The following ARHGAP10 variants were observed in gnomAD, a reference collection of about 807,000 sequenced individuals.
ARHGAP10 encodes the protein rho GTPase-activating protein 10.
A neutral mutation model predicts 108.6 loss-of-function variants in ARHGAP10; 87 were observed. That is an observed-to-expected ratio of 0.80 (90% CI 0.67 to 0.96). The LOEUF (loss-of-function observed/expected upper bound fraction) is 0.96, where lower values mean the gene tolerates loss of function less well. Ranked by LOEUF, ARHGAP10 falls within the 40% of genes least tolerant of loss-of-function variation. The pLI is 0.00. For synonymous variants in ARHGAP10, 347 were observed against 341.1 expected (o/e 1.02, Z -0.19); for missense variants, 939 against 954.5 (o/e 0.98, Z 0.21).
In ARHGAP10 at chr4:148,001,423, C is replaced by T. The variant is rs964308013; in HGVS notation, c.1717-21840C>T. Reference sequence around the variant, plus strand: ...CCCTTTTTTGGTTCCATATGAACTTCAAAGTAGTTTTTTCCAATTCTGTGA... The same window carrying T: ...CCCTTTTTTGGTTCCATATGAACTTTAAAGTAGTTTTTTCCAATTCTGTGA... On this transcript the variant is annotated intron_variant, in intron 18 of 22. Coordinates refer to ENST00000336498, the MANE Select transcript of ARHGAP10 (RefSeq NM_024605.4). Among the ~76,000 whole-genome samples, 66 of 152,020 alleles carry T rather than the reference C, an allele frequency of 4.3e-4. 1 individual carries two copies. Among genetic ancestry groups the T allele is most frequent in the Non-Finnish European group, 3.5e-4 (24 of 67,998 alleles).
At chr4:147,829,927 G>A (rs1045740027) in intron 3 of ARHGAP10, among the ~76,000 whole-genome samples, 1 of 152,148 alleles carries the variant, frequency 6.6e-6, no homozygotes, top group Non-Finnish European at 1.5e-5. Context: ...GGAAAACTGC[G>A]GGGAAGCGGG....
chr4:148,040,403 G>A (rs1484902024), intron 19 of ARHGAP10, among the ~76,000 whole-genome samples: 2 of 152,126 alleles, frequency 1.3e-5, no homozygotes, highest in South Asian at 2.1e-4. Context: ...GTACAGTCAT[G>A]CGATCTCAGC....
At chr4:147,792,755 T>C (rs867986830) in intron 1 of ARHGAP10, among the ~76,000 whole-genome samples, 4 of 152,190 alleles carry the variant, frequency 2.6e-5, no homozygotes, top group Non-Finnish European at 5.9e-5. Context: ...TTATGGGGGA[T>C]TTTTTTCTTT....
intron 1 of ARHGAP10, among the ~76,000 whole-genome samples, chr4:147,755,737 T>A (rs925907659): frequency 3.3e-5 from 5 of 152,160 alleles, no homozygotes; most frequent in African/African-American, 9.7e-5. Context: ...TATTTTTCTA[T>A]TTGGCTCTTT....
At chr4:147,888,460 T>G (rs947496375) in intron 10 of ARHGAP10, among the ~76,000 whole-genome samples, 3 of 152,204 alleles carry the variant, frequency 2.0e-5, no homozygotes, top group Non-Finnish European at 4.4e-5. Flanking sequence ...TCTAACATGT[T>G]ATATAGGTAA....
In ARHGAP10 at chr4:147,908,933, A is replaced by G. The variant is rs545121097; in HGVS notation, c.1117-799A>G. ...GTTATTTATCTTTGCATCTGAGCAT[A>G]TGATAGTGTGTTATTAACTGAGAAA... On this transcript the variant is annotated intron_variant, in intron 11 of 22. Transcript: ENST00000336498. 2.6e-5 allele frequency among the ~76,000 whole-genome samples: 4 copies of G among 152,270 alleles called. No individual in the cohort carries two copies. In the South Asian group the frequency reaches 8.3e-4, roughly 32 times the overall value.
At chr4:147,758,825 A>G (rs759060394) in intron 1 of ARHGAP10, among the ~76,000 whole-genome samples, 1 of 151,954 alleles carries the variant, frequency 6.6e-6, no homozygotes, top group Admixed American at 6.6e-5. Context: ...CTAAAAATAC[A>G]AAAATTAGTT....
chr4:147,933,796 T>C (rs1375004471), intron 13 of ARHGAP10, among the ~76,000 whole-genome samples: 1 of 151,816 alleles, frequency 6.6e-6, no homozygotes, highest in Non-Finnish European at 1.5e-5. Context: ...TGGGCTGGAG[T>C]TGATATGAGG....
chr4:147,895,009 GAATT>G (rs1436102850), intron 10 of ARHGAP10, among the ~76,000 whole-genome samples: 1 of 151,922 alleles, frequency 6.6e-6, no homozygotes, highest in Non-Finnish European at 1.5e-5. Flanking sequence ...ATAAATTTTA[GAATT>G]AATTTATTTT....
intron 12 of ARHGAP10, 60 bp from the exon 13 acceptor site, chr4:147,913,014 A>G: frequency 6.8e-7 from 1 of 1,469,230 alleles, no homozygotes. Flanking sequence ...TATTTTTAAA[A>G]GGAAGAGAAA....
At chr4:147,964,990 A>AT in intron 16 of ARHGAP10, 34 bp from the exon 17 acceptor site, 3 of 1,421,876 alleles carry the variant, frequency 2.1e-6, no homozygotes, top group Non-Finnish European at 2.8e-6. Flanking sequence ...CTTTTTCTTT[A>AT]TTTTTTTCTT....
intron 16 of ARHGAP10, among the ~76,000 whole-genome samples, chr4:147,960,021 T>G (rs1738934530): frequency 6.6e-6 from 1 of 152,206 alleles, no homozygotes; most frequent in African/African-American, 2.4e-5. Flanking sequence ...CTTTTACTCC[T>G]TTGGAATTTC....
At chr4:148,030,553 T>G (rs1213801391) in intron 19 of ARHGAP10, among the ~76,000 whole-genome samples, 2 of 152,228 alleles carry the variant, frequency 1.3e-5, no homozygotes, top group African/African-American at 2.4e-5. Context: ...CTCTGAAAAC[T>G]CTATGGCCCA....
intron 13 of ARHGAP10, among the ~76,000 whole-genome samples, chr4:147,925,429 T>TG (rs1737427774): frequency 6.9e-6 from 1 of 145,376 alleles, no homozygotes; most frequent in African/African-American, 2.8e-5. Context: ...TTGAGTCTCT[T>TG]TTTGATTTAT....
chr4:147,808,808 C>CT (rs1731893609), intron 1 of ARHGAP10: 1 of 152,324 alleles, frequency 6.6e-6, no homozygotes, highest in Non-Finnish European at 1.5e-5. Flanking sequence ...TTTTAGCTGC[C>CT]TTTTCTCCCT....
intron 20 of ARHGAP10, among the ~76,000 whole-genome samples, chr4:148,050,365 CTTTTTTTTT>C (rs11309245): frequency 1.7e-5 from 1 of 59,300 alleles, no homozygotes; most frequent in Admixed American, 2.4e-4. Context: ...TCATCATCAT[CTTTTTTTTT>C]TTTTTTTTTT....
intron 18 of ARHGAP10, among the ~76,000 whole-genome samples, chr4:147,982,486 T>C (rs564933375): frequency 8.8e-5 from 13 of 148,248 alleles, no homozygotes; most frequent in Admixed American, 2.0e-4. Context: ...AACCCTCCCA[T>C]GTCAGCTTCC....
chr4:147,888,200 T>C (rs938675900), intron 10 of ARHGAP10, among the ~76,000 whole-genome samples: 5 of 152,224 alleles, frequency 3.3e-5, no homozygotes, highest in African/African-American at 1.2e-4. Flanking sequence ...CGCTCTTCAC[T>C]CACACTTTTT....
chr4:148,023,249 T>A lies in ARHGAP10; in HGVS notation c.1717-14T>A, dbSNP rs1268482300. 5 of 1,613,824 alleles carry A rather than the reference T, an allele frequency of 3.1e-6. No homozygotes were observed. The highest frequency in any genetic ancestry group is 1.7e-5 in the Admixed American group (1 of 60,024). On this transcript the variant is annotated splice_polypyrimidine_tract_variant and intron_variant, in intron 18 of 22. Transcript: ENST00000336498. ...CATGGTAAATAATTCCTGTCCTTTA[T>A]GCTTTGTTGGAAGATTTTTCGGACG...
Sources: allele counts gnomAD v4.1 joint callset (sites outside exome capture counted in the v4.1 genomes callset), GRCh38; gene constraint gnomAD v4.1.1; transcripts MANE v1.5; gene names NCBI Gene and HGNC (gene_info 2026-07-23, HGNC 2026-07-21).